Variants in AOPEP observed in about 807,000 individuals in gnomAD.
The protein encoded by AOPEP is aminopeptidase O (putative).
A neutral mutation model predicts 98.1 loss-of-function variants in AOPEP; 77 were observed. The observed-to-expected ratio is 0.78, with a 90% CI of 0.65 to 0.95. AOPEP has a LOEUF of 0.95. AOPEP is among the 40% of genes least tolerant of loss of function. The pLI is 0.00. For missense variants in AOPEP, 1,024 were observed against 1,024.7 expected, an observed-to-expected ratio of 1.00 and a Z score of 0.01; for synonymous variants, 346 against 365.3, an observed-to-expected ratio of 0.95 and a Z score of 0.60.
At chr9:95,013,653 T>C (rs1789404727) in intron 13 of AOPEP, among the ~76,000 whole-genome samples, 1 of 152,218 alleles carries the variant, frequency 6.6e-6, no homozygotes, top group Admixed American at 6.5e-5. Context: ...TGAAGCTTGT[T>C]TTCTAGTAGA....
the AOPEP span, among the ~76,000 whole-genome samples, chr9:95,137,340 G>A: frequency 2.0e-5 from 3 of 152,094 alleles, no homozygotes; most frequent in South Asian, 2.1e-4. Context: ...CTGAAGACCC[G>A]GGGAGACTGC....
chr9:94,874,152 T>C (rs994106965), intron 5 of AOPEP, among the ~76,000 whole-genome samples: 2 of 152,186 alleles, frequency 1.3e-5, no homozygotes, highest in Non-Finnish European at 2.9e-5. Flanking sequence ...TTAGATATGA[T>C]TATAAATTTT....
At chr9:95,037,177 A>G (rs2133482736) in intron 13 of AOPEP, among the ~76,000 whole-genome samples, 1 of 152,234 alleles carries the variant, frequency 6.6e-6, no homozygotes, top group East Asian at 1.9e-4. Context: ...TAGCTATTTT[A>G]TGAAGTTTCA....
At chr9:95,090,953 C>T (rs7863582), downstream of AOPEP, among the ~76,000 whole-genome samples, 41,787 of 152,096 alleles carry the variant, frequency 0.27, 6,608 homozygotes, top group African/African-American at 0.43. Flanking sequence ...ACAGCCCTGA[C>T]GGAAAACCTG....
rs754566602 is a variant in AOPEP, at chr9:95,005,687, A to T, written c.2115+71A>T. Reference sequence around the variant, plus strand: ...GCTTCTGCCCCGTGAGGACCTGGTCATGACAATAGAGTAGTGTTTAATTTA... The same window carrying T: ...GCTTCTGCCCCGTGAGGACCTGGTCTTGACAATAGAGTAGTGTTTAATTTA... On this transcript the variant is annotated intron_variant, in intron 13 of 16. Transcript: ENST00000375315. The T allele has an allele frequency of 3.5e-4, 414 of 1,196,060 alleles. 1 individual carries two copies. The highest frequency in any genetic ancestry group is 4.8e-4 in the Non-Finnish European group (381 of 798,472). The allele number at this position is 1,196,060 out of a possible 1,614,324, so 74.1% of individuals were successfully genotyped here.
chr9:95,112,712 G>A, the AOPEP span, among the ~76,000 whole-genome samples: 1 of 152,330 alleles, frequency 6.6e-6, no homozygotes, highest in African/African-American at 2.4e-5. Flanking sequence ...CAGCGTGACT[G>A]GATCAGGATC....
chr9:94,741,336 G>C (rs1290287749), intron 1 of AOPEP, among the ~76,000 whole-genome samples: 1 of 151,544 alleles, frequency 6.6e-6, no homozygotes, highest in Admixed American at 6.6e-5. Context: ...GCAGTGGTGC[G>C]ATCTCGGCTC....
intron 13 of AOPEP, among the ~76,000 whole-genome samples, chr9:95,039,736 CTTCA>C (rs35690560): frequency 0.027 from 4,066 of 150,516 alleles, 70 homozygotes; most frequent in Non-Finnish European, 0.034. Context: ...AGACATGTTT[CTTCA>C]TTCATTCATT....
chr9:94,729,590 A>G (rs977424911), intron 1 of AOPEP, among the ~76,000 whole-genome samples: 11 of 151,234 alleles, frequency 7.3e-5, no homozygotes, highest in Non-Finnish European at 1.3e-4. Flanking sequence ...AAAAAAAAAA[A>G]AAGAAAGAAA....
chr9:94,984,711 A>G (rs1203557650), intron 11 of AOPEP, among the ~76,000 whole-genome samples: 1 of 152,256 alleles, frequency 6.6e-6, no homozygotes, highest in Non-Finnish European at 1.5e-5. Flanking sequence ...TTTAAAAGAC[A>G]CATGTGGCTT....
the AOPEP span, among the ~76,000 whole-genome samples, chr9:95,140,719 T>C: frequency 1.3e-5 from 2 of 152,192 alleles, no homozygotes; most frequent in African/African-American, 4.8e-5. Flanking sequence ...TTAACTGTTA[T>C]GGAGAATTGC....
At position 94,930,837 on chromosome 9, in the gene AOPEP, G is replaced by A. The variant is rs760464789; in HGVS notation, c.1661+2306G>A. ...GTAACTGTAGGCTCTGTGAGAGGGG[G>A]TGTGTTGGCCCAGGAAGCGAGACTG... On this transcript the variant is annotated intron_variant, in intron 7 of 16. Coordinates refer to ENST00000375315, the MANE Select transcript of AOPEP (RefSeq NM_001193329.3). This position sits in a 1 kb window ranked among gnomAD's most constrained non-coding sequence, Gnocchi z 4.5. Among the ~76,000 whole-genome samples the A allele has an allele frequency of 6.6e-6, 1 of 152,098 alleles. No homozygotes were observed. Among genetic ancestry groups the A allele is most frequent in the African/African-American group, 2.4e-5 (1 of 41,402 alleles).
chr9:95,034,779 G>A (rs1340338688), intron 13 of AOPEP, among the ~76,000 whole-genome samples: 7 of 152,144 alleles, frequency 4.6e-5, no homozygotes, highest in Non-Finnish European at 2.9e-5. Context: ...GAGATAAAGC[G>A]GATCCTGGTT....
intron 7 of AOPEP, among the ~76,000 whole-genome samples, chr9:94,950,552 C>T (rs913238991): frequency 2.0e-5 from 3 of 152,222 alleles, no homozygotes; most frequent in Non-Finnish European, 4.4e-5. Flanking sequence ...CCAGTCTCTA[C>T]ACAAGGGTCA....
At chr9:94,734,939 A>G (rs1218190347) in intron 1 of AOPEP, among the ~76,000 whole-genome samples, 1 of 152,212 alleles carries the variant, frequency 6.6e-6, no homozygotes, top group Non-Finnish European at 1.5e-5. Context: ...GAATACCCCC[A>G]TTTGTGGCTA....
At chr9:95,091,601 G>A (rs770961251), downstream of AOPEP, among the ~76,000 whole-genome samples, 5 of 152,160 alleles carry the variant, frequency 3.3e-5, no homozygotes, top group Non-Finnish European at 7.4e-5. Flanking sequence ...CAGCACCCGC[G>A]GGACAGTGAC....
At chr9:94,846,678 G>A (rs2042900579) in intron 5 of AOPEP, among the ~76,000 whole-genome samples, 1 of 152,230 alleles carries the variant, frequency 6.6e-6, no homozygotes, top group African/African-American at 2.4e-5. Flanking sequence ...GGCCGAGGTG[G>A]TGGGAGGATT....
At chr9:94,914,557 T>TGTGTGC (rs1307724792) in intron 5 of AOPEP, among the ~76,000 whole-genome samples, 2 of 152,040 alleles carry the variant, frequency 1.3e-5, no homozygotes, top group Admixed American at 1.3e-4. Context: ...TGTGTGTGTG[T>TGTGTGC]GTGTATGTAC....
intron 14 of AOPEP, among the ~76,000 whole-genome samples, chr9:95,078,302 G>C (rs1203297715): frequency 6.6e-6 from 1 of 152,200 alleles, no homozygotes; most frequent in African/African-American, 2.4e-5. Context: ...ATAAGCCCCA[G>C]TTTATGCTTC....
Sources: allele counts gnomAD v4.1 joint callset (sites outside exome capture counted in the v4.1 genomes callset), GRCh38; gene constraint gnomAD v4.1.1; non-coding constraint Gnocchi (gnomAD v3.1); transcripts MANE v1.5; gene names NCBI Gene and HGNC (gene_info 2026-07-23, HGNC 2026-07-21).